Variants in NDUFAF6 observed in about 807,000 individuals in gnomAD.
NDUFAF6 encodes NADH dehydrogenase (ubiquinone) complex I, assembly factor 6.
A neutral mutation model predicts 40.8 loss-of-function variants in NDUFAF6; 45 were observed. The observed-to-expected ratio is 1.10, with a 90% CI of 0.87 to 1.42. The LOEUF is 1.42. Ranked by LOEUF, NDUFAF6 falls within the 40% of genes most tolerant of loss-of-function variation. The pLI, the probability that NDUFAF6 is intolerant of heterozygous loss-of-function variation, is 0.00. For synonymous variants in NDUFAF6, 185 were observed against 155.9 expected, an observed-to-expected ratio of 1.19 and a Z score of -1.39; for missense variants, 435 against 418.5, an observed-to-expected ratio of 1.04 and a Z score of -0.34.
At chr8:95,109,337 G>A (rs905678607) in intron 4 of NDUFAF6, among the ~76,000 whole-genome samples, 2 of 152,162 alleles carry the variant, frequency 1.3e-5, no homozygotes, top group Non-Finnish European at 2.9e-5. Context: ...AACATTTGAT[G>A]GATTTGTGCT....
chr8:95,043,215 G>T (rs1830340264), intron 4 of NDUFAF6, among the ~76,000 whole-genome samples: 1 of 151,484 alleles, frequency 6.6e-6, no homozygotes, highest in South Asian at 2.1e-4. Flanking sequence ...CTCCTGAGTA[G>T]CTGAGACTAC....
chr8:94,963,616 G>A (rs551440249), intron 1 of NDUFAF6, among the ~76,000 whole-genome samples: 101 of 152,334 alleles, frequency 6.6e-4, no homozygotes, highest in African/African-American at 1.4e-3. Context: ...AACAAGGGCC[G>A]TAGCCAGACA....
At chr8:94,946,489 C>T (rs1024849809) in intron 2 of NDUFAF6, among the ~76,000 whole-genome samples, 1 of 151,522 alleles carries the variant, frequency 6.6e-6, no homozygotes. Context: ...TCACTTTAAG[C>T]CAGGAGTTCA....
chr8:94,905,287 G>T (rs1214775196), intron 1 of NDUFAF6, among the ~76,000 whole-genome samples: 1 of 94,238 alleles, frequency 1.1e-5, no homozygotes, highest in African/African-American at 3.3e-5. Context: ...CTCCTTTTCA[G>T]GTTTTTTTTT....
intron 2 of NDUFAF6, chr8:94,950,654 G>A (rs1822520647): frequency 6.6e-6 from 1 of 152,188 alleles, no homozygotes; most frequent in Non-Finnish European, 1.5e-5. Flanking sequence ...CTGTGTTCTA[G>A]ATAGTCTCAC....
chr8:94,997,333 CACACACACACAGAGAGAG>C (rs1280156838), intron 2 of NDUFAF6, among the ~76,000 whole-genome samples: 1 of 138,488 alleles, frequency 7.2e-6, no homozygotes, highest in Non-Finnish European at 1.6e-5. Context: ...CACACACACA[CACACACACACAGAGAGAG>C]AGAGAGAGAG....
chr8:95,077,065 C>A (rs902226595), downstream of NDUFAF6, among the ~76,000 whole-genome samples: 4 of 152,086 alleles, frequency 2.6e-5, no homozygotes, highest in African/African-American at 9.7e-5. Flanking sequence ...GAGACGTGCA[C>A]ACATGTGAAG....
intron 2 of NDUFAF6, chr8:95,087,553 T>C (rs1211508676): frequency 2.0e-5 from 3 of 152,262 alleles, no homozygotes; most frequent in Non-Finnish European, 4.4e-5. Context: ...TAAACTTCCA[T>C]ACAGCCAACT....
intron 1 of NDUFAF6, among the ~76,000 whole-genome samples, chr8:94,977,724 G>T (rs949514638): frequency 2.0e-5 from 3 of 151,878 alleles, no homozygotes; most frequent in African/African-American, 7.3e-5. Context: ...CTTCTGTGGG[G>T]GTCTCAGGCC....
At chr8:95,050,799 A>T (rs1831340581) in intron 7 of NDUFAF6, among the ~76,000 whole-genome samples, 1 of 152,262 alleles carries the variant, frequency 6.6e-6, no homozygotes, top group Non-Finnish European at 1.5e-5. Flanking sequence ...ATATACATTT[A>T]TATATATATG....
chr8:95,025,027 G>C lies in NDUFAF6; in HGVS notation c.19G>C (p.Gly7Arg), dbSNP rs1382558300. 8.9e-6 allele frequency: 12 copies of C among 1,353,700 alleles called. No individual in the cohort carries two copies. Among genetic ancestry groups the C allele is most frequent in the African/African-American group, 1.5e-5 (1 of 65,678 alleles). The allele number at this position is 1,353,700 out of a possible 1,614,324, so 83.9% of individuals were successfully genotyped here. ...CGGCGTCATGGCGGCCTCCGCGCACGGCTCTGTCTGGGGGCCGTTGCGGCT... is the reference window on the plus strand; with the variant it reads ...CGGCGTCATGGCGGCCTCCGCGCACCGCTCTGTCTGGGGGCCGTTGCGGCT... MAASAH[G>R]SVWGPLRLGI... The change falls in exon 1 of 9, where the codon GGC becomes CGC. Residue 7 changes from glycine (G) to arginine (R), a missense_variant. By Grantham distance (125) the Gly-to-Arg change is moderately radical (BLOSUM62 -2). Transcript: ENST00000396124.
upstream of NDUFAF6, among the ~76,000 whole-genome samples, chr8:94,953,831 G>A (rs1822843178): frequency 6.6e-6 from 1 of 151,836 alleles, no homozygotes; most frequent in African/African-American, 2.4e-5. Context: ...CTTTTTGCAT[G>A]AATGAACTAC....
At chr8:94,965,694 A>G (rs1462212806) in intron 1 of NDUFAF6, among the ~76,000 whole-genome samples, 5 of 152,226 alleles carry the variant, frequency 3.3e-5, no homozygotes, top group Admixed American at 2.6e-4. Flanking sequence ...ATGGCAAATG[A>G]CAGAAATTGA....
chr8:95,094,891 T>C (rs1305224937), intron 2 of NDUFAF6, among the ~76,000 whole-genome samples: 1 of 151,642 alleles, frequency 6.6e-6, no homozygotes, highest in Non-Finnish European at 1.5e-5. Flanking sequence ...TAGCTAAGAC[T>C]ACAGGTGCAC....
chr8:94,963,631 A>C (rs925090370), intron 1 of NDUFAF6, among the ~76,000 whole-genome samples: 4 of 152,220 alleles, frequency 2.6e-5, no homozygotes, highest in African/African-American at 9.6e-5. Context: ...CAGACATCTA[A>C]CTAGGTAATA....
At chr8:95,107,858 G>A (rs1160129857), downstream of NDUFAF6, among the ~76,000 whole-genome samples, 1 of 152,130 alleles carries the variant, frequency 6.6e-6, no homozygotes, top group Non-Finnish European at 1.5e-5. Flanking sequence ...GGAGTCATTT[G>A]GATTTGTGAC....
chr8:95,048,581 A>G (rs1831078013), intron 7 of NDUFAF6, 23 bp downstream of exon 7: 1 of 1,519,976 alleles, frequency 6.6e-7, no homozygotes, highest in Non-Finnish European at 9.1e-7. Flanking sequence ...TTTTTTGCCA[A>G]ATCATTTAGG....
intron 2 of NDUFAF6, among the ~76,000 whole-genome samples, chr8:95,003,768 C>T (rs1284983196): frequency 3.3e-5 from 5 of 152,192 alleles, no homozygotes; most frequent in African/African-American, 9.6e-5. Context: ...CTTCCAAACT[C>T]TCTAGCTACT....
chr8:94,936,243 A>C (rs1221377282), intron 1 of NDUFAF6, among the ~76,000 whole-genome samples: 2 of 152,176 alleles, frequency 1.3e-5, no homozygotes, highest in East Asian at 3.9e-4. Context: ...GAGAAACACT[A>C]ATTAGGAGGG....
Sources: allele counts gnomAD v4.1 joint callset (sites outside exome capture counted in the v4.1 genomes callset), GRCh38; gene constraint gnomAD v4.1.1; transcripts MANE v1.5; gene names NCBI Gene and HGNC (gene_info 2026-07-23, HGNC 2026-07-21).